SNTG2: variants seen among roughly 807,000 people sequenced by gnomAD.
SNTG2 encodes the protein syntrophin gamma 2.
In SNTG2, 74 loss-of-function variants were observed where a neutral mutation model predicts 70.9. The observed-to-expected ratio is 1.04, with a 90% confidence interval of 0.86 to 1.27. The LOEUF is 1.27. SNTG2 is among the 50% of genes most tolerant of loss of function. The pLI, the probability that SNTG2 is intolerant of heterozygous loss-of-function variation, is 0.00. For missense variants in SNTG2, 717 were observed against 690.7 expected (o/e 1.04, Z -0.43); for synonymous variants, 278 against 273.8 (o/e 1.02, Z -0.15).
At chr2:1,257,060 C>G (rs909314209) in intron 12 of SNTG2, among the ~76,000 whole-genome samples, 72 of 152,018 alleles carry the variant, frequency 4.7e-4, no homozygotes, top group African/African-American at 1.6e-3. Context: ...TCACTGCCCC[C>G]ACCTCCCCTG....
intron 14 of SNTG2, among the ~76,000 whole-genome samples, chr2:1,273,529 A>G (rs921776056): frequency 8.5e-5 from 13 of 152,138 alleles, no homozygotes; most frequent in African/African-American, 3.1e-4. Flanking sequence ...GCAGATGTGC[A>G]AAGGCAATTC....
chr2:1,289,953 C>A (rs1466959487), intron 14 of SNTG2, among the ~76,000 whole-genome samples: 1 of 152,192 alleles, frequency 6.6e-6, no homozygotes, highest in Admixed American at 6.5e-5. Context: ...CCTGTTGTAG[C>A]ATGTCAGAAT....
intron 1 of SNTG2, among the ~76,000 whole-genome samples, chr2:1,023,567 TTATG>T (rs1660315174): frequency 6.6e-6 from 1 of 152,202 alleles, no homozygotes; most frequent in South Asian, 2.1e-4. Context: ...TTATTTTTAT[TTATG>T]GTTTCATCGT....
chr2:1,066,614 A>G (rs916071304), intron 1 of SNTG2, among the ~76,000 whole-genome samples: 2 of 151,960 alleles, frequency 1.3e-5, no homozygotes, highest in Non-Finnish European at 2.9e-5. Context: ...GCTGGTCATC[A>G]CTGGTTGTCA....
chr2:956,049 GCCCCTGCCCCTA>G (rs1660132124), intron 1 of SNTG2, among the ~76,000 whole-genome samples: 1 of 89,248 alleles, frequency 1.1e-5, no homozygotes, highest in Admixed American at 1.5e-4. Context: ...CCCTGCCCCT[GCCCCTGCCCCTA>G]CCCCTGACCC....
intron 2 of SNTG2, among the ~76,000 whole-genome samples, chr2:1,087,213 C>T (rs763038679): frequency 6.6e-5 from 10 of 152,262 alleles, no homozygotes; most frequent in South Asian, 4.2e-4. Context: ...TCTGGTGATG[C>T]GCACCTGCTG....
chr2:1,359,005 G>A (rs1055402685), intron 16 of SNTG2, among the ~76,000 whole-genome samples: 3 of 152,114 alleles, frequency 2.0e-5, no homozygotes, highest in Non-Finnish European at 4.4e-5. Context: ...TTCATACACA[G>A]GTTGAATATG....
intron 14 of SNTG2, among the ~76,000 whole-genome samples, chr2:1,294,660 G>A (rs566367345): frequency 6.6e-6 from 1 of 152,116 alleles, no homozygotes; most frequent in East Asian, 1.9e-4. Flanking sequence ...GCAGGACATT[G>A]GTCTCCCAAA....
At chr2:957,641 A>C (rs577629676) in intron 1 of SNTG2, among the ~76,000 whole-genome samples, 2 of 152,186 alleles carry the variant, frequency 1.3e-5, no homozygotes, top group Non-Finnish European at 2.9e-5. Context: ...GGGCAGCTAC[A>C]ATGTGTTCCC....
chr2:1,211,969 G>C (rs1419063154), intron 9 of SNTG2, among the ~76,000 whole-genome samples: 1 of 152,096 alleles, frequency 6.6e-6, no homozygotes, highest in Non-Finnish European at 1.5e-5. Flanking sequence ...CAATCATTGG[G>C]ATAAATACAT....
At chr2:1,351,361 A>C (rs79796054) in intron 16 of SNTG2, among the ~76,000 whole-genome samples, 8,607 of 152,226 alleles carry the variant, frequency 0.057, 342 homozygotes, top group Non-Finnish European at 0.082. Context: ...GAGGGTATAA[A>C]TAACATTTAT....
chr2:1,314,284 G>C (rs1008854393), intron 15 of SNTG2, among the ~76,000 whole-genome samples: 1 of 152,198 alleles, frequency 6.6e-6, no homozygotes, highest in African/African-American at 2.4e-5. Flanking sequence ...GGCTTCTCCT[G>C]ATGGATGAGC....
At chr2:1,331,774 G>C (rs905731051) in intron 16 of SNTG2, among the ~76,000 whole-genome samples, 1 of 152,184 alleles carries the variant, frequency 6.6e-6, no homozygotes, top group Non-Finnish European at 1.5e-5. Flanking sequence ...AAGGAGTAAA[G>C]GTATGATAAG....
chr2:1,148,971 C>T (rs922463537), intron 6 of SNTG2, among the ~76,000 whole-genome samples: 8 of 152,214 alleles, frequency 5.3e-5, no homozygotes, highest in East Asian at 1.9e-4. Flanking sequence ...TTCTGTGCAT[C>T]GCCCCTTTCC....
intron 16 of SNTG2, among the ~76,000 whole-genome samples, chr2:1,355,676 G>C (rs144460317): frequency 1.5e-3 from 236 of 152,292 alleles, no homozygotes; most frequent in Middle Eastern, 6.8e-3. Context: ...TGGAGATACT[G>C]ATTCCATTTT....
At chr2:1,070,091 A>G (rs1479408306) in intron 1 of SNTG2, among the ~76,000 whole-genome samples, 1 of 151,754 alleles carries the variant, frequency 6.6e-6, no homozygotes, top group Non-Finnish European at 1.5e-5. Context: ...TTGCGAAACC[A>G]TCGGTGCCAG....
chr2:995,279 T>C (rs1006933563), intron 1 of SNTG2, among the ~76,000 whole-genome samples: 5 of 152,108 alleles, frequency 3.3e-5, no homozygotes, highest in Non-Finnish European at 2.9e-5. Context: ...TGAAAGGCTG[T>C]TGGATTTTAT....
chr2:1,309,045 C>T (rs991271431), intron 15 of SNTG2, among the ~76,000 whole-genome samples: 3 of 152,104 alleles, frequency 2.0e-5, no homozygotes, highest in East Asian at 3.9e-4. Flanking sequence ...CTCCTAACTA[C>T]GTAAGTGTTA....
intron 1 of SNTG2, among the ~76,000 whole-genome samples, chr2:1,015,517 A>C (rs1054041119): frequency 3.9e-5 from 6 of 152,218 alleles, no homozygotes; most frequent in Non-Finnish European, 8.8e-5. Flanking sequence ...GTGTCATAAA[A>C]GGAAAAAAAT....
Sources: gnomAD v4.1 joint callset for allele counts (sites outside exome capture counted in the v4.1 genomes callset) on GRCh38, gnomAD v4.1.1 for gene constraint, MANE v1.5 for transcripts, NCBI Gene and HGNC (gene_info 2026-07-23, HGNC 2026-07-21) for gene names.